PTPRD: variants seen among roughly 807,000 people sequenced by gnomAD.
PTPRD encodes the protein receptor-type tyrosine-protein phosphatase delta.
In PTPRD, 34 loss-of-function variants were observed where a neutral mutation model predicts 214.5. The observed-to-expected ratio is 0.16, with a 90% CI of 0.12 to 0.21. The LOEUF is 0.21. PTPRD is among the 10% of genes least tolerant of loss of function. The pLI is 1.00. For synonymous variants in PTPRD, 1,128 were observed against 845.7 expected, an observed-to-expected ratio of 1.33 and a Z score of -5.79; for missense variants, 2,545 against 2,398.7, an observed-to-expected ratio of 1.06 and a Z score of -1.27.
intron 3 of PTPRD, among the ~76,000 whole-genome samples, chr9:10,234,122 C>A (rs1368261081): frequency 1.3e-5 from 2 of 151,586 alleles, no homozygotes; most frequent in Non-Finnish European, 2.9e-5. Flanking sequence ...AGCATGATGG[C>A]ATACACCTGT....
At chr9:10,188,644 T>A (rs1004686609) in intron 3 of PTPRD, among the ~76,000 whole-genome samples, 4 of 152,160 alleles carry the variant, frequency 2.6e-5, no homozygotes, top group Admixed American at 2.6e-4. Context: ...GGAAAGCATG[T>A]ATCTCAATAG....
At chr9:9,685,260 T>A (rs183709824) in intron 7 of PTPRD, among the ~76,000 whole-genome samples, 103 of 131,950 alleles carry the variant, frequency 7.8e-4, no homozygotes, top group African/African-American at 2.9e-3. Flanking sequence ...ATATTATATA[T>A]GCTTATTATA....
chr9:10,378,957 A>G (rs1198417298), intron 2 of PTPRD, among the ~76,000 whole-genome samples: 1 of 151,956 alleles, frequency 6.6e-6, no homozygotes, highest in Non-Finnish European at 1.5e-5. Context: ...AACATGGAAT[A>G]GCTCTCCATT....
intron 14 of PTPRD, among the ~76,000 whole-genome samples, chr9:8,595,910 T>C (rs1303147916): frequency 6.6e-6 from 1 of 152,180 alleles, no homozygotes. Context: ...TTATCTTAGT[T>C]ACCCACAACA....
At chr9:10,548,097 C>T (rs1390978880) in intron 2 of PTPRD, among the ~76,000 whole-genome samples, 2 of 151,980 alleles carry the variant, frequency 1.3e-5, no homozygotes, top group East Asian at 1.9e-4. Flanking sequence ...AGTGAACCTC[C>T]GCTTTTTAAA....
At chr9:9,324,751 C>T (rs1362073951) in intron 9 of PTPRD, among the ~76,000 whole-genome samples, 1 of 152,068 alleles carries the variant, frequency 6.6e-6, no homozygotes, top group Non-Finnish European at 1.5e-5. Flanking sequence ...GTGTTTCAGT[C>T]ATGAAGTCCT....
At chr9:9,323,474 C>G (rs915531677) in intron 9 of PTPRD, among the ~76,000 whole-genome samples, 7 of 152,110 alleles carry the variant, frequency 4.6e-5, no homozygotes, top group Admixed American at 3.9e-4. Context: ...TGATGTCGAC[C>G]AGGTCGTCTA....
chr9:8,794,719 A>C (rs890197409), intron 11 of PTPRD, among the ~76,000 whole-genome samples: 9 of 152,136 alleles, frequency 5.9e-5, no homozygotes, highest in Non-Finnish European at 1.3e-4. Context: ...TTGGTTTCAA[A>C]GAGATTTTAA....
chr9:9,524,092 A>G, intron 8 of PTPRD, among the ~76,000 whole-genome samples: 1 of 152,148 alleles, frequency 6.6e-6, no homozygotes, highest in East Asian at 1.9e-4. Flanking sequence ...GGGAAGGTGT[A>G]CTGTATGTTA....
At chr9:9,575,717 C>CAAAAAAAAAAAAAA (rs757614546) in intron 7 of PTPRD, among the ~76,000 whole-genome samples, 150 of 33,300 alleles carry the variant, frequency 4.5e-3, no homozygotes, top group East Asian at 6.8e-3. Context: ...AAGACTGTCT[C>CAAAAAAAAAAAAAA]AAAAAAAAAA....
At chr9:8,440,706 CA>C (rs1477071625) in intron 34 of PTPRD, among the ~76,000 whole-genome samples, 1 of 152,150 alleles carries the variant, frequency 6.6e-6, no homozygotes, top group African/African-American at 2.4e-5. Flanking sequence ...TGAAAAATGA[CA>C]GATGCGGTCA....
intron 15 of PTPRD, chr9:8,528,269 G>C: frequency 2.3e-6 from 1 of 426,736 alleles, no homozygotes; most frequent in East Asian, 3.5e-5. Flanking sequence ...AACAGAGAAA[G>C]AAGAAAGAAA....
At chr9:8,741,968 G>T (rs1360699489) in intron 11 of PTPRD, among the ~76,000 whole-genome samples, 1 of 152,048 alleles carries the variant, frequency 6.6e-6, no homozygotes, top group African/African-American at 2.4e-5. Flanking sequence ...ATATGCCCTT[G>T]ATTAAGAGGT....
At chr9:10,589,709 C>A (rs532724708) in intron 2 of PTPRD, among the ~76,000 whole-genome samples, 5 of 152,112 alleles carry the variant, frequency 3.3e-5, no homozygotes, top group African/African-American at 1.2e-4. Context: ...ACAGTGGCAT[C>A]TATGAGATAT....
intron 39 of PTPRD, among the ~76,000 whole-genome samples, chr9:8,358,970 T>A (rs1403760827): frequency 1.3e-5 from 2 of 149,474 alleles, no homozygotes; most frequent in African/African-American, 2.5e-5. Context: ...TAGCCGGGCG[T>A]GGTGGCGGGC....
At chr9:10,458,838 G>T (rs536058156) in intron 2 of PTPRD, among the ~76,000 whole-genome samples, 20 of 152,210 alleles carry the variant, frequency 1.3e-4, no homozygotes, top group Non-Finnish European at 1.5e-4. Flanking sequence ...CAATAAAGTT[G>T]CAGAATATAA....
intron 8 of PTPRD, among the ~76,000 whole-genome samples, chr9:9,523,026 T>C (rs975516448): frequency 6.6e-6 from 1 of 152,166 alleles, no homozygotes; most frequent in South Asian, 2.1e-4. Flanking sequence ...TCACTATTTT[T>C]AAAAAGTGAC....
Position 10,454,636 on chromosome 9 carries a change from T to G in PTPRD, c.-599-113619A>C, listed in dbSNP as rs144894450. ...TCTACCTCTTCTCTCCCATAGTTCTTGCATCAGAATGTGTTCATCCTGAAA... is the reference window on the plus strand; with the variant it reads ...TCTACCTCTTCTCTCCCATAGTTCTGGCATCAGAATGTGTTCATCCTGAAA... On this transcript the variant is annotated intron_variant, in intron 2 of 45. Coordinates refer to ENST00000381196, the MANE Select transcript of PTPRD (RefSeq NM_002839.4). Among the ~76,000 whole-genome samples, 334 of 151,836 alleles carry G rather than the reference T, an allele frequency of 2.2e-3. 2 individuals carry two copies. The highest frequency in any genetic ancestry group is 7.8e-3 in the African/African-American group (323 of 41,530).
At chr9:9,266,397 A>G (rs1226878192) in intron 9 of PTPRD, among the ~76,000 whole-genome samples, 2 of 151,398 alleles carry the variant, frequency 1.3e-5, no homozygotes, top group Non-Finnish European at 3.0e-5. Flanking sequence ...TAGACCAAGT[A>G]GACCTAACAA....
Sources: gnomAD v4.1 joint callset for allele counts (sites outside exome capture counted in the v4.1 genomes callset) on GRCh38, gnomAD v4.1.1 for gene constraint, MANE v1.5 for transcripts, NCBI Gene and HGNC (gene_info 2026-07-23, HGNC 2026-07-21) for gene names.